Variants in CAMTA1 observed in about 807,000 individuals in gnomAD.
The protein encoded by CAMTA1 is calmodulin-binding transcription activator 1.
A neutral mutation model predicts 170.9 loss-of-function variants in CAMTA1; 27 were observed. The ratio of observed to expected loss-of-function variants is 0.16; its 90% CI spans 0.12 to 0.22. The LOEUF (loss-of-function observed/expected upper bound fraction) is 0.22, where lower values mean the gene tolerates loss of function less well. CAMTA1 is among the 10% of genes least tolerant of loss of function. CAMTA1 has a pLI of 1.00. For missense variants in CAMTA1, 1,619 were observed against 2,217.2 expected (o/e 0.73, Z 5.42); for synonymous variants, 833 against 891.5 (o/e 0.93, Z 1.17).
chr1:7,056,241 G>A (rs953857980), intron 3 of CAMTA1, among the ~76,000 whole-genome samples: 3 of 152,160 alleles, frequency 2.0e-5, no homozygotes, highest in Non-Finnish European at 4.4e-5. Flanking sequence ...CAAGAAAATC[G>A]CATTTCACAC....
intron 5 of CAMTA1, among the ~76,000 whole-genome samples, chr1:7,283,934 G>A: frequency 6.6e-6 from 1 of 152,106 alleles, no homozygotes. Context: ...TGAGATTTGT[G>A]GCTCTCTGGT....
At chr1:7,088,749 G>T (rs1411763117) in intron 3 of CAMTA1, among the ~76,000 whole-genome samples, 1 of 152,176 alleles carries the variant, frequency 6.6e-6, no homozygotes, top group Non-Finnish European at 1.5e-5. Context: ...TCTCAGCATG[G>T]TCCTGAGCAG....
intron 4 of CAMTA1, among the ~76,000 whole-genome samples, chr1:7,203,410 A>G (rs1657058739): frequency 1.3e-5 from 2 of 151,932 alleles, no homozygotes; most frequent in South Asian, 4.1e-4. Flanking sequence ...GTTTGTGAAG[A>G]ATCACATTCA....
At chr1:7,594,906 A>G (rs1320647412) in intron 6 of CAMTA1, among the ~76,000 whole-genome samples, 1 of 152,216 alleles carries the variant, frequency 6.6e-6, no homozygotes, top group Non-Finnish European at 1.5e-5. Flanking sequence ...CAGATCCAGC[A>G]GGCAGTGAGC....
chr1:6,906,295 G>A (rs1327044318), intron 3 of CAMTA1, among the ~76,000 whole-genome samples: 1 of 152,178 alleles, frequency 6.6e-6, no homozygotes, highest in Non-Finnish European at 1.5e-5. Flanking sequence ...TTTGTATAAA[G>A]GACTGTCTTC....
At chr1:7,612,267 G>A (rs1396458123) in intron 6 of CAMTA1, among the ~76,000 whole-genome samples, 3 of 152,160 alleles carry the variant, frequency 2.0e-5, no homozygotes, top group Non-Finnish European at 4.4e-5. Context: ...ATGGGGAGCT[G>A]GACAAGGGAT....
At chr1:7,071,297 T>C (rs1350258369) in intron 3 of CAMTA1, among the ~76,000 whole-genome samples, 1 of 152,202 alleles carries the variant, frequency 6.6e-6, no homozygotes, top group East Asian at 1.9e-4. Context: ...AACAATAGAC[T>C]CACTTGAAAG....
chr1:7,129,078 T>C (rs1645099116), intron 4 of CAMTA1, among the ~76,000 whole-genome samples: 1 of 151,954 alleles, frequency 6.6e-6, no homozygotes, highest in Non-Finnish European at 1.5e-5. Flanking sequence ...CCTCAAGTGA[T>C]CCACCCACCT....
chr1:7,354,067 G>A (rs780767593), intron 5 of CAMTA1, among the ~76,000 whole-genome samples: 1 of 151,946 alleles, frequency 6.6e-6, no homozygotes, highest in East Asian at 1.9e-4. Context: ...CTGCATCCAC[G>A]TTGCTGCAAA....
intron 6 of CAMTA1, among the ~76,000 whole-genome samples, chr1:7,606,981 C>T (rs982290396): frequency 1.3e-5 from 2 of 152,242 alleles, no homozygotes; most frequent in African/African-American, 4.8e-5. Context: ...TCCTTGAAGC[C>T]AGGAACTGCT....
chr1:7,019,287 C>A (rs1701023082), intron 3 of CAMTA1, among the ~76,000 whole-genome samples: 1 of 152,148 alleles, frequency 6.6e-6, no homozygotes. Flanking sequence ...GAACAGTTTC[C>A]ATAAGGTTGT....
At chr1:7,667,996 G>A (rs1438199174) in intron 9 of CAMTA1, among the ~76,000 whole-genome samples, 44 of 152,162 alleles carry the variant, frequency 2.9e-4, no homozygotes, top group Admixed American at 2.9e-3. Context: ...CACAGCAGGG[G>A]TGCCCCCATC....
At chr1:7,324,349 T>A (rs1678945463) in intron 5 of CAMTA1, among the ~76,000 whole-genome samples, 1 of 152,186 alleles carries the variant, frequency 6.6e-6, no homozygotes, top group Non-Finnish European at 1.5e-5. Flanking sequence ...TTCATTTCCT[T>A]GTGTTTTCAC....
At chr1:7,683,578 ACT>A (rs2096231889) in intron 11 of CAMTA1, among the ~76,000 whole-genome samples, 1 of 151,422 alleles carries the variant, frequency 6.6e-6, no homozygotes, top group African/African-American at 2.4e-5. Context: ...TGGAGTGGGG[ACT>A]GGGGCCAGCA....
intron 3 of CAMTA1, among the ~76,000 whole-genome samples, chr1:7,049,608 C>A (rs370565512): frequency 6.6e-6 from 1 of 152,060 alleles, no homozygotes; most frequent in Non-Finnish European, 1.5e-5. Context: ...AGGGGCCCAC[C>A]ACCACACCCA....
intron 1 of CAMTA1, among the ~76,000 whole-genome samples, chr1:6,812,078 A>G (rs1338259820): frequency 6.6e-6 from 1 of 152,096 alleles, no homozygotes; most frequent in Non-Finnish European, 1.5e-5. Flanking sequence ...CTCCCAGCTA[A>G]CCTGCTCGGT....
Position 7,585,288 on chromosome 1 carries a change from G to A in CAMTA1, c.511-55112G>A, listed in dbSNP as rs1171816005. On this transcript the variant is annotated intron_variant, in intron 6 of 22. Transcript: ENST00000303635. The surrounding 1 kb of genome is among the most constrained non-coding windows in gnomAD (Gnocchi z 4.8). ...GTAAAGGAAGGGGTACGGGAGGGTT[G>A]CGGATAGAGTAGCCAAGAAGAGGCC... Among the ~76,000 whole-genome samples the A allele has an allele frequency of 1.4e-5, 2 of 145,722 alleles. No homozygotes were observed.
chr1:7,056,917 C>A (rs916565668), intron 3 of CAMTA1, among the ~76,000 whole-genome samples: 14 of 152,192 alleles, frequency 9.2e-5, no homozygotes, highest in African/African-American at 3.1e-4. Flanking sequence ...GGACACCCCT[C>A]AGAAGACTCT....
intron 5 of CAMTA1, among the ~76,000 whole-genome samples, chr1:7,442,884 T>C (rs1284226593): frequency 6.6e-6 from 1 of 152,118 alleles, no homozygotes; most frequent in Non-Finnish European, 1.5e-5. Context: ...CCAGAGCTGG[T>C]GTTCTTATGG....
Sources: allele counts gnomAD v4.1 joint callset (sites outside exome capture counted in the v4.1 genomes callset), GRCh38; gene constraint gnomAD v4.1.1; non-coding constraint Gnocchi (gnomAD v3.1); transcripts MANE v1.5; gene names NCBI Gene and HGNC (gene_info 2026-07-23, HGNC 2026-07-21).